The following SLC23A3 variants were observed in gnomAD, a reference collection of about 807,000 sequenced individuals.
SLC23A3 encodes solute carrier family 23 member 3.
In SLC23A3, 41 loss-of-function variants were observed where a neutral mutation model predicts 64.7. The observed-to-expected ratio is 0.63, with a 90% CI of 0.49 to 0.82. The LOEUF (loss-of-function observed/expected upper bound fraction) is 0.82, where lower values mean the gene tolerates loss of function less well. Ranked by LOEUF, SLC23A3 falls within the 40% of genes least tolerant of loss-of-function variation. The pLI, the probability that SLC23A3 is intolerant of heterozygous loss-of-function variation, is 0.00. For missense variants in SLC23A3, 647 were observed against 733.4 expected, an observed-to-expected ratio of 0.88 and a Z score of 1.36; for synonymous variants, 281 against 306.8, an observed-to-expected ratio of 0.92 and a Z score of 0.88.
Position 219,163,518 on chromosome 2 carries a change from A to G in SLC23A3, c.1311T>C (p.Ser437=), listed in dbSNP as rs753803378. The G allele has an allele frequency of 1.9e-6, 3 of 1,614,214 alleles. No individual in the cohort carries two copies. Among genetic ancestry groups the G allele is most frequent in the Non-Finnish European group, 2.5e-6 (3 of 1,180,054 alleles). Residue 437 remains serine, a synonymous_variant, in exon 10 of 12, where the codon TCT becomes TCC. Coordinates refer to ENST00000409878, the MANE Select transcript of SLC23A3 (RefSeq NM_001144889.2). ...CCAGGTAGAAGCTGGAGAATCCAGC[A>G]GACAAAACCACAGCCTGGGTCACCC... ...VLGVTQAVVL[S]AGFSSFYLAD...
chr2:219,168,599 C>G (rs774783556), intron 5 of SLC23A3, 53 bp downstream of exon 5: 10 of 1,551,632 alleles, frequency 6.4e-6, no homozygotes, highest in Non-Finnish European at 8.8e-6. Flanking sequence ...CTCCCCTAGT[C>G]CCCCCATACA....
At position 219,168,776 on chromosome 2, in the gene SLC23A3, T is replaced by A; in HGVS notation, c.550A>T (p.Ser184Cys). 6.2e-7 allele frequency: 1 copy of A among 1,609,054 alleles called. No individual in the cohort carries two copies. Among genetic ancestry groups the A allele is most frequent in the Non-Finnish European group, 8.5e-7 (1 of 1,177,434 alleles). Reference sequence around the variant, plus strand: ...CAGTGGGGGAACACGTGGCCGGGACTCCCCAGCAGCCCCATCATGCCCTGC... The same window carrying A: ...CAGTGGGGGAACACGTGGCCGGGACACCCCAGCAGCCCCATCATGCCCTGC... ...LLQGMMGLLGSPGHVFPHCGP... is the reference protein window; with the variant it reads ...LLQGMMGLLGCPGHVFPHCGP... The change falls in exon 5 of 12, where the codon AGT becomes TGT. Residue 184 changes from serine to cysteine, a missense_variant. Ser to Cys is a moderately radical substitution (Grantham distance 112). Coordinates refer to ENST00000409878, the MANE Select transcript of SLC23A3 (RefSeq NM_001144889.2).
rs375016396 is a variant in SLC23A3 at position 219,163,550 on chromosome 2, C to G, written c.1279G>C (p.Val427Leu). ...TTIPLPVVGG[V>L]LGVTQAVVLS... ...ACCACAGCCTGGGTCACCCCCAGCA[C>G]CCCACCTGTCTCATACAGAAGAAAT... Residue 427 changes from valine (V) to leucine (L), a missense_variant, in exon 10 of 12, where the codon GTG (valine) becomes CTG (leucine). Coordinates refer to ENST00000409878, the MANE Select transcript of SLC23A3 (RefSeq NM_001144889.2). 1 of 1,614,124 alleles carries G rather than the reference C, an allele frequency of 6.2e-7. No individual in the cohort carries two copies. Among genetic ancestry groups the G allele is most frequent in the South Asian group, 1.1e-5 (1 of 91,090 alleles).
At position 219,162,366 on chromosome 2, in the gene SLC23A3, G is replaced by A; in HGVS notation, c.1470C>T (p.His490=). The A allele has an allele frequency of 1.2e-6, 2 of 1,614,066 alleles. No homozygotes were observed. Residue 490 remains histidine, a synonymous_variant, in exon 11 of 12, where the codon CAC becomes CAT. Coordinates refer to ENST00000409878, the MANE Select transcript of SLC23A3 (RefSeq NM_001144889.2). ...GGAAGATGGGCTGTGTCAGCAGTGAGTGCAGTAATACATCCAAGGGGCTCC... is the reference window on the plus strand; with the variant it reads ...GGAAGATGGGCTGTGTCAGCAGTGAATGCAGTAATACATCCAAGGGGCTCC... ...TGWSPLDVLL[H]SLLTQPIFLA...
intron 10 of SLC23A3, 89 bp from the exon 11 acceptor site, chr2:219,162,483 T>C (rs1236399837): frequency 3.3e-6 from 3 of 895,930 alleles, no homozygotes; most frequent in Non-Finnish European, 5.4e-6. Context: ...AACCTAAGCC[T>C]TGGACTAAGG....
intron 8 of SLC23A3, 193 bp downstream of exon 8, chr2:219,164,976 A>G (rs1949990045): frequency 4.4e-6 from 3 of 688,616 alleles, no homozygotes; most frequent in Non-Finnish European, 7.0e-6. Context: ...ACAGTGCCTC[A>G]TGCACAGGAG....
In SLC23A3 at chr2:219,168,418, A is replaced by G. The variant is rs188317544; in HGVS notation, c.675-100T>C. On this transcript the variant is annotated intron_variant, in intron 5 of 11. Transcript: ENST00000409878. ...GAATATCATAAGAGCGGGGGGTGATACCAGAGAAGGAAACTCCCATGGAAG... is the reference window on the plus strand; with the variant it reads ...GAATATCATAAGAGCGGGGGGTGATGCCAGAGAAGGAAACTCCCATGGAAG... 1.8e-4 allele frequency: 254 copies of G among 1,375,962 alleles called. No homozygotes were observed. The East Asian group carries it at 5.4e-3, about 29-fold the overall frequency. 85.2% of individuals were successfully genotyped at this position (1,375,962 alleles called of 1,614,324 possible).
At chr2:219,164,949 T>G (rs1408635517) in intron 8 of SLC23A3, 1 of 585,262 alleles carries the variant, frequency 1.7e-6, no homozygotes, top group Non-Finnish European at 2.9e-6. Context: ...TGACTGGTTC[T>G]TTGCCCTAGC....
chr2:219,163,200 C>T (rs909087191), intron 10 of SLC23A3, among the ~76,000 whole-genome samples, 188 bp downstream of exon 10: 4 of 152,222 alleles, frequency 2.6e-5, no homozygotes, highest in East Asian at 1.9e-4. Context: ...TCTTGTACTA[C>T]GCTGTAATAA....
rs1469459231 is a variant in SLC23A3 at position 219,161,849 on chromosome 2, T to G, written c.*60A>C. 1 of 1,495,182 alleles carries G rather than the reference T, an allele frequency of 6.7e-7. No homozygotes were observed. Among genetic ancestry groups the G allele is most frequent in the Non-Finnish European group, 9.0e-7 (1 of 1,115,114 alleles). The allele number at this position is 1,495,182 out of a possible 1,614,324, so 92.6% of individuals were successfully genotyped here. On this transcript the variant is annotated 3_prime_UTR_variant, in exon 12 of 12. Coordinates refer to ENST00000409878, the MANE Select transcript of SLC23A3 (RefSeq NM_001144889.2). ...CTACAAGAAAGAACAGTTTGGGAGC[T>G]GACTCTCCAGCAGATGAGAGTTAGG...
rs376522486 is a variant in SLC23A3 at position 219,162,083 on chromosome 2, G to A, written c.1659C>T (p.Ile553=). The A allele has an allele frequency of 2.5e-6, 4 of 1,614,098 alleles. No individual in the cohort carries two copies. In the African/African-American group the frequency reaches 5.3e-5, roughly 22 times the overall value. Residue 553 remains isoleucine, a synonymous_variant, in exon 12 of 12, where the codon ATC becomes ATT. Coordinates refer to ENST00000409878, the MANE Select transcript of SLC23A3 (RefSeq NM_001144889.2). ...AAQVYRLPFP[I]QNLCPCIPQP... ...GGGGGATGCAGGGACAGAGGTTTTG[G>A]ATGGGGAAAGGAAGTCTGTACACTT... is the stretch of plus-strand genomic sequence containing the variant.
chr2:219,168,627 C>T, intron 5 of SLC23A3, 25 bp downstream of exon 5: 1 of 1,609,856 alleles, frequency 6.2e-7, no homozygotes, highest in South Asian at 1.1e-5. Context: ...TGGGCACCAT[C>T]CCACGCCTCT....
At chr2:219,163,280 A>G (rs937641976) in intron 10 of SLC23A3, 108 bp downstream of exon 10, 1 of 1,055,654 alleles carries the variant, frequency 9.5e-7, no homozygotes, top group Non-Finnish European at 1.4e-6. Context: ...AAATGGATGA[A>G]GTATTTACAC....
chr2:219,165,879 A>G (rs2106377621), intron 7 of SLC23A3, among the ~76,000 whole-genome samples: 2 of 152,324 alleles, frequency 1.3e-5, no homozygotes, highest in Middle Eastern at 6.8e-3. Context: ...CACGCCTGTA[A>G]TCCCAGCACT....
At chr2:219,162,541 C>G in intron 10 of SLC23A3, 147 bp from the exon 11 acceptor site, 1 of 646,914 alleles carries the variant, frequency 1.5e-6, no homozygotes, top group Non-Finnish European at 2.7e-6. Flanking sequence ...CTTTGTCTTT[C>G]TACTCTCCAC....
At position 219,168,052 on chromosome 2, in the gene SLC23A3, G is replaced by C; in HGVS notation, c.799-8C>G. 1 of 1,571,898 alleles carries C rather than the reference G, an allele frequency of 6.4e-7. No homozygotes were observed. Among genetic ancestry groups the C allele is most frequent in the Non-Finnish European group, 8.6e-7 (1 of 1,162,974 alleles). ...GGCCACTGGGATCAGCACCTGAGGG[G>C]CGAGACTGAGAAAAGAACTCCTCCC... On this transcript the variant is annotated splice_region_variant and splice_polypyrimidine_tract_variant and intron_variant, in intron 6 of 11. Coordinates refer to ENST00000409878, the MANE Select transcript of SLC23A3 (RefSeq NM_001144889.2).
chr2:219,164,227 A>G lies in SLC23A3; in HGVS notation c.1273+6T>C, dbSNP rs1285381349. ...CAATACCAGCCCTGTTGATACATCCACTCACCAACAACAGGCAGTGGGATG... is the reference window on the plus strand; with the variant it reads ...CAATACCAGCCCTGTTGATACATCCGCTCACCAACAACAGGCAGTGGGATG... On this transcript the variant is annotated splice_donor_region_variant and intron_variant, in intron 9 of 11. Coordinates refer to ENST00000409878, the MANE Select transcript of SLC23A3 (RefSeq NM_001144889.2). The G allele has an allele frequency of 1.3e-6, 2 of 1,591,406 alleles. No homozygotes were observed. The highest frequency in any genetic ancestry group is 3.4e-5 in the Admixed American group (2 of 58,762).
intron 5 of SLC23A3, 104 bp downstream of exon 5, chr2:219,168,548 T>A: frequency 8.2e-7 from 1 of 1,226,828 alleles, no homozygotes; most frequent in Non-Finnish European, 1.1e-6. Context: ...TATGTCCCTA[T>A]TCCAGTCGCT....
chr2:219,168,408 G>T lies in SLC23A3; in HGVS notation c.675-90C>A, dbSNP rs917149753. The T allele has an allele frequency of 1.3e-5, 18 of 1,404,874 alleles. No individual in the cohort carries two copies. In the African/African-American group the frequency reaches 1.9e-4, roughly 15 times the overall value. 87.0% of individuals were successfully genotyped at this position (1,404,874 alleles called of 1,614,324 possible). ...GGAGTGGGCAGAATATCATAAGAGCGGGGGGTGATACCAGAGAAGGAAACT... is the reference window on the plus strand; with the variant it reads ...GGAGTGGGCAGAATATCATAAGAGCTGGGGGTGATACCAGAGAAGGAAACT... On this transcript the variant is annotated intron_variant, in intron 5 of 11. Coordinates refer to ENST00000409878, the MANE Select transcript of SLC23A3 (RefSeq NM_001144889.2).
Sources: allele counts gnomAD v4.1 joint callset (sites outside exome capture counted in the v4.1 genomes callset), GRCh38; gene constraint gnomAD v4.1.1; transcripts MANE v1.5; gene names NCBI Gene and HGNC (gene_info 2026-07-23, HGNC 2026-07-21).